PI4KA: variants seen among roughly 807,000 people sequenced by gnomAD.
The protein encoded by PI4KA is PI4-kinase alpha.
Under a neutral mutation model 271.4 loss-of-function variants are expected in PI4KA, and 122 were observed. That is an observed-to-expected ratio of 0.45 (90% confidence interval 0.39 to 0.52). The LOEUF (loss-of-function observed/expected upper bound fraction) is 0.52, where lower values mean the gene tolerates loss of function less well. PI4KA is among the 20% of genes least tolerant of loss of function. The probability of loss-of-function intolerance (pLI) is 0.00; values close to 1 mark genes in which losing one functional copy is unlikely to be tolerated. For synonymous variants in PI4KA, 1,041 were observed against 1,078.8 expected, an observed-to-expected ratio of 0.96 and a Z score of 0.69; for missense variants, 1,969 against 2,769.1, an observed-to-expected ratio of 0.71 and a Z score of 6.48.
intron 43 of PI4KA, among the ~76,000 whole-genome samples, chr22:20,719,413 G>A (rs530338515): frequency 9.9e-5 from 15 of 152,046 alleles, no homozygotes; most frequent in African/African-American, 2.9e-4. Context: ...CTACAGGTGC[G>A]CATCACCACA....
In PI4KA at chr22:20,803,215, T is replaced by C; in HGVS notation, c.1567A>G (p.Lys523Glu). ...CCTGTGTGGTACTGACTGTGGTACT[T>C]GTAGAGCTTCACCAGAACTGGGGAC... Reference protein sequence around the residue: ...IPSPVLVKLYKYHSQYHTVAG... With the variant: ...IPSPVLVKLYEYHSQYHTVAG... Residue 523 changes from lysine to glutamate, a missense_variant, in exon 13 of 55, where the codon AAG becomes GAG. Lys to Glu is a moderately conservative substitution (Grantham distance 56). Coordinates refer to ENST00000255882, the MANE Select transcript of PI4KA (RefSeq NM_058004.4). 6.2e-7 allele frequency: 1 copy of C among 1,614,048 alleles called. No homozygotes were observed. The highest frequency in any genetic ancestry group is 8.5e-7 in the Non-Finnish European group (1 of 1,179,966).
intron 19 of PI4KA, among the ~76,000 whole-genome samples, chr22:20,788,731 G>T (rs2147531515): frequency 6.6e-6 from 1 of 152,266 alleles, no homozygotes; most frequent in South Asian, 2.1e-4. Context: ...TCTCCAATCT[G>T]CTTCACCCCT....
chr22:20,793,466 T>C, intron 18 of PI4KA: 1 of 472,534 alleles, frequency 2.1e-6, no homozygotes, highest in Non-Finnish European at 3.8e-6. Context: ...CATAAATGAT[T>C]ACATAAATCA....
At chr22:20,719,565 T>A (rs1301604769) in intron 43 of PI4KA, among the ~76,000 whole-genome samples, 4 of 152,100 alleles carry the variant, frequency 2.6e-5, no homozygotes, top group Non-Finnish European at 5.9e-5. Flanking sequence ...CAGACCTTTG[T>A]TTTTACTTGA....
chr22:20,841,744 C>A (rs140158504), intron 1 of PI4KA, among the ~76,000 whole-genome samples: 6 of 152,190 alleles, frequency 3.9e-5, no homozygotes, highest in African/African-American at 1.4e-4. Context: ...GGAGGGATAT[C>A]CTGGATTATT....
At chr22:20,730,306 C>T (rs1266450599) in intron 36 of PI4KA, among the ~76,000 whole-genome samples, 1 of 152,086 alleles carries the variant, frequency 6.6e-6, no homozygotes, top group Non-Finnish European at 1.5e-5. Flanking sequence ...TGGAGTTTCG[C>T]TCCTGTTGCC....
rs1176777174 is a variant in PI4KA at position 20,751,656 on chromosome 22, T to A, written c.3069+18A>T. On this transcript the variant is annotated intron_variant, in intron 26 of 54. Coordinates refer to ENST00000255882, the MANE Select transcript of PI4KA (RefSeq NM_058004.4). ...GAGCGGGTGGTGTTTGGGCCCTAGG[T>A]CTCCTGGGGACACTCACAGCGCTCA... 29 of 1,605,038 alleles carry A rather than the reference T, an allele frequency of 1.8e-5. No homozygotes were observed. The highest frequency in any genetic ancestry group is 2.5e-5 in the Non-Finnish European group (29 of 1,171,878).
In PI4KA at chr22:20,805,155, G is replaced by C; in HGVS notation, c.1179C>G (p.Thr393=). 6.2e-7 allele frequency: 1 copy of C among 1,613,298 alleles called. No individual in the cohort carries two copies. Among genetic ancestry groups the C allele is most frequent in the Non-Finnish European group, 8.5e-7 (1 of 1,179,528 alleles). The change falls in exon 11 of 55, where the codon ACC becomes ACG. Residue 393 remains threonine (T), a synonymous_variant. Coordinates refer to ENST00000255882, the MANE Select transcript of PI4KA (RefSeq NM_058004.4). The part of the protein sequence containing the change: ...DTLYYMKDLP[T]SFVKEIHDFV... ...AATCATGGATCTCCTTCACAAAAGA[G>C]GTCGGGAGGTCTGTAGGAAAGAGTG...
Position 20,799,676 on chromosome 22 carries a change from G to A in PI4KA, c.1815C>T (p.Ser605=), listed in dbSNP as rs61752247. 21,408 of 1,549,770 alleles carry A rather than the reference G, an allele frequency of 0.014. 211 individuals are homozygous for A. The highest frequency in any genetic ancestry group is 0.022 in the Middle Eastern group (130 of 5,980). The part of the protein sequence containing the change: ...LSNRLYISQE[S]DKDAHLIPDH... ...AGACAGGAATAGGGGCGTACTTGTCGCTCTCCTGAGAGATGTAGAGCCGGT... is the reference window on the plus strand; with the variant it reads ...AGACAGGAATAGGGGCGTACTTGTCACTCTCCTGAGAGATGTAGAGCCGGT... The change falls in exon 15 of 55, where the codon AGC becomes AGT. Residue 605 remains serine (S), a synonymous_variant. Transcript: ENST00000255882.
intron 1 of PI4KA, among the ~76,000 whole-genome samples, chr22:20,856,181 A>G (rs1327120097): frequency 6.6e-6 from 1 of 152,144 alleles, no homozygotes; most frequent in Non-Finnish European, 1.5e-5. Context: ...GGGTGGTGGC[A>G]CACGCCTGTA....
In PI4KA at chr22:20,721,381, G is replaced by C; in HGVS notation, c.5033C>G (p.Ser1678Cys). ...CTGGTGTGCCAGAAGCTGGGATTTA[G>C]ACGCTGCCCACAGAATATACTCCCG... ...YVREYILWAA[S>C]KSQLLAHQFI... The change falls in exon 43 of 55, where the codon TCT (serine) becomes TGT (cysteine). Residue 1678 changes from serine to cysteine, a missense_variant. Ser to Cys is a moderately radical substitution (Grantham distance 112). Transcript: ENST00000255882. 2 of 1,614,000 alleles carry C rather than the reference G, an allele frequency of 1.2e-6. No individual in the cohort carries two copies. The highest frequency in any genetic ancestry group is 1.7e-6 in the Non-Finnish European group (2 of 1,179,960).
At chr22:20,798,884 CTGTTA>C in intron 16 of PI4KA, 197 bp from the exon 17 acceptor site, 1 of 624,822 alleles carries the variant, frequency 1.6e-6, no homozygotes. Context: ...TTCAAATCTT[CTGTTA>C]TAATACACTG....
At chr22:20,725,545 A>G (rs1211502338) in intron 42 of PI4KA, 1 of 451,770 alleles carries the variant, frequency 2.2e-6, no homozygotes, top group South Asian at 1.6e-5. Flanking sequence ...GGAGATTAGG[A>G]CACAGACACA....
In PI4KA at chr22:20,828,564, G is replaced by GT. The variant is rs550948676; in HGVS notation, c.368-4151dup. Among the ~76,000 whole-genome samples the GT allele has an allele frequency of 6.0e-4, 91 of 151,164 alleles. 1 individual carries two copies. Among genetic ancestry groups the GT allele is most frequent in the East Asian group, 9.7e-4 (5 of 5,146 alleles). On this transcript the variant is annotated intron_variant, in intron 3 of 54. Coordinates refer to ENST00000255882, the MANE Select transcript of PI4KA (RefSeq NM_058004.4). ...AGAGTTTGTTGTGGATTTTTTTGGGGTTTTTTTTTGAGACAGAGTCTTGCT... is the reference window on the plus strand; with the variant it reads ...AGAGTTTGTTGTGGATTTTTTTGGGGTTTTTTTTTTGAGACAGAGTCTTGCT...
chr22:20,826,846 T>C (rs1489038615), intron 3 of PI4KA, among the ~76,000 whole-genome samples: 1 of 152,232 alleles, frequency 6.6e-6, no homozygotes, highest in Non-Finnish European at 1.5e-5. Context: ...TGGCCACTTG[T>C]ATGTCTTCTT....
intron 32 of PI4KA, 89 bp downstream of exon 32, chr22:20,742,139 C>CCATG: frequency 7.1e-7 from 1 of 1,405,246 alleles, no homozygotes. Context: ...CCCAGTGTCT[C>CCATG]CATGCTTGGT....
chr22:20,749,663 G>A (rs575698495), intron 28 of PI4KA, among the ~76,000 whole-genome samples: 43 of 152,348 alleles, frequency 2.8e-4, no homozygotes, highest in African/African-American at 9.6e-4. Flanking sequence ...CACAGACCTG[G>A]CACCTCACCT....
intron 27 of PI4KA, among the ~76,000 whole-genome samples, chr22:20,750,242 GAC>G (rs931536978): frequency 3.9e-5 from 6 of 152,146 alleles, no homozygotes; most frequent in African/African-American, 9.7e-5. Context: ...AGGAAATCTG[GAC>G]ACACAGAAAT....
intron 7 of PI4KA, among the ~76,000 whole-genome samples, chr22:20,817,774 T>G (rs192327269): frequency 0.01 from 688 of 67,324 alleles, 7 homozygotes; most frequent in African/African-American, 0.031. Flanking sequence ...AAAAAAAAAG[T>G]AGTAACAGTA....
Sources: allele counts gnomAD v4.1 joint callset (sites outside exome capture counted in the v4.1 genomes callset), GRCh38; gene constraint gnomAD v4.1.1; transcripts MANE v1.5; gene names NCBI Gene and HGNC (gene_info 2026-07-23, HGNC 2026-07-21).